Variants in DNAJC1 observed in about 807,000 individuals in gnomAD.
DNAJC1 encodes dnaJ homolog subfamily C member 1.
Under a neutral mutation model 76.6 loss-of-function variants are expected in DNAJC1, and 58 were observed. That is an observed-to-expected ratio of 0.76 (90% CI 0.61 to 0.94). The LOEUF is 0.94. Among genes scored for constraint, DNAJC1 ranks in the 40% least tolerant of loss-of-function variants. DNAJC1 has a pLI of 0.00. For missense variants in DNAJC1, 689 were observed against 677.3 expected (o/e 1.02, Z -0.19); for synonymous variants, 258 against 267.9 (o/e 0.96, Z 0.36).
intron 8 of DNAJC1, among the ~76,000 whole-genome samples, chr10:21,859,750 C>G (rs1835893121): frequency 6.6e-6 from 1 of 151,982 alleles, no homozygotes; most frequent in African/African-American, 2.4e-5. Flanking sequence ...AAAAACTAGT[C>G]AGGGAAACTA....
At chr10:21,803,221 G>A (rs991082003) in intron 9 of DNAJC1, among the ~76,000 whole-genome samples, 2 of 152,062 alleles carry the variant, frequency 1.3e-5, no homozygotes, top group African/African-American at 4.8e-5. Flanking sequence ...AAGGTCAATT[G>A]TTTCTTGAAG....
At chr10:21,878,701 T>C (rs1836224772) in intron 8 of DNAJC1, among the ~76,000 whole-genome samples, 1 of 152,184 alleles carries the variant, frequency 6.6e-6, no homozygotes, top group South Asian at 2.1e-4. Context: ...AAATATTTTT[T>C]GGAAAAAATC....
At chr10:21,807,812 G>A (rs1284146277) in intron 8 of DNAJC1, among the ~76,000 whole-genome samples, 1 of 152,090 alleles carries the variant, frequency 6.6e-6, no homozygotes, top group African/African-American at 2.4e-5. Context: ...GAATTTCTTT[G>A]ATATTTAATG....
rs1836296770 is a variant in DNAJC1, at chr10:21,882,354, T to A, written c.906A>T (p.Gly302=). The change falls in exon 8 of 12, where the codon GGA becomes GGT. Residue 302 remains glycine, a synonymous_variant. Transcript: ENST00000376980. The part of the protein sequence containing the change: ...ETTYIQSYDH[G]TSIEEIEEQM... ...GTTCCTCAATTTCTTCTATGGAAGTTCCATGATCATAAGACTGAATATATG... is the reference window on the plus strand; with the variant it reads ...GTTCCTCAATTTCTTCTATGGAAGTACCATGATCATAAGACTGAATATATG... The A allele has an allele frequency of 6.2e-7, 1 of 1,602,280 alleles. No individual in the cohort carries two copies. The highest frequency in any genetic ancestry group is 1.4e-5 in the African/African-American group (1 of 74,068).
At position 21,979,030 on chromosome 10, in the gene DNAJC1, G is replaced by A. The variant is rs182875510; in HGVS notation, c.222+24183C>T. On this transcript the variant is annotated intron_variant, in intron 1 of 11. Transcript: ENST00000376980. ...AACAGCGGAATGATATTCTTATAAT[G>A]CAGAGTTAGGTATGTAAGTTCGACT... Among the ~76,000 whole-genome samples, 33 of 151,544 alleles carry A rather than the reference G, an allele frequency of 2.2e-4. No homozygotes were observed. The East Asian group carries it at 6.2e-3, about 28-fold the overall frequency.
chr10:21,957,671 G>A (rs890899103), intron 1 of DNAJC1, among the ~76,000 whole-genome samples: 10 of 151,914 alleles, frequency 6.6e-5, no homozygotes, highest in African/African-American at 2.4e-4. Flanking sequence ...TTCCTTTTCA[G>A]TTATTTAGTC....
chr10:21,830,460 T>C (rs1835337826), intron 8 of DNAJC1, among the ~76,000 whole-genome samples: 1 of 152,196 alleles, frequency 6.6e-6, no homozygotes, highest in Non-Finnish European at 1.5e-5. Context: ...GAGAAGGTAA[T>C]TGGTAGTATA....
intron 8 of DNAJC1, among the ~76,000 whole-genome samples, chr10:21,810,294 T>A (rs1222564828): frequency 1.3e-5 from 2 of 152,316 alleles, no homozygotes; most frequent in Admixed American, 1.3e-4. Context: ...TGACACTGGC[T>A]CTGAATTAAC....
intron 9 of DNAJC1, among the ~76,000 whole-genome samples, chr10:21,772,271 C>CTT (rs398045895): frequency 0.06 from 5,610 of 92,896 alleles, 423 homozygotes; most frequent in African/African-American, 0.17. Context: ...CACCCCTCTT[C>CTT]TTTTTTTTTT....
At chr10:21,969,819 T>G (rs1837951482) in intron 1 of DNAJC1, among the ~76,000 whole-genome samples, 1 of 152,176 alleles carries the variant, frequency 6.6e-6, no homozygotes, top group Non-Finnish European at 1.5e-5. Flanking sequence ...ATAACATCAA[T>G]GAAATCATAT....
At chr10:21,944,722 C>A (rs1399705953) in intron 1 of DNAJC1, among the ~76,000 whole-genome samples, 1 of 152,152 alleles carries the variant, frequency 6.6e-6, no homozygotes, top group Non-Finnish European at 1.5e-5. Context: ...TCATGTTGTA[C>A]ACCTTAATAT....
chr10:21,835,774 T>C (rs1022437403), intron 8 of DNAJC1, among the ~76,000 whole-genome samples: 3 of 151,826 alleles, frequency 2.0e-5, no homozygotes, highest in South Asian at 4.2e-4. Flanking sequence ...GAAGTTTACA[T>C]AAAAAAGAAT....
chr10:21,854,198 T>C lies in DNAJC1; in HGVS notation c.978+28084A>G, dbSNP rs944369056. Among the ~76,000 whole-genome samples, 8 of 152,208 alleles carry C rather than the reference T, an allele frequency of 5.3e-5. 1 individual carries two copies. The highest frequency in any genetic ancestry group is 4.6e-4 in the Admixed American group (7 of 15,290). ...CCAGGTAATTATAATATAAGAATTA[T>C]ATCTCAATTCTTCCTAAAAGGTAGT... On this transcript the variant is annotated intron_variant, in intron 8 of 11. Transcript: ENST00000376980.
At chr10:21,946,260 T>A (rs1837504104) in intron 1 of DNAJC1, among the ~76,000 whole-genome samples, 1 of 151,870 alleles carries the variant, frequency 6.6e-6, no homozygotes, top group Non-Finnish European at 1.5e-5. Context: ...CAGGATGGTC[T>A]CAATCTCCTG....
intron 8 of DNAJC1, among the ~76,000 whole-genome samples, chr10:21,842,096 G>A (rs1281382917): frequency 8.7e-6 from 1 of 115,462 alleles, no homozygotes; most frequent in African/African-American, 3.3e-5. Flanking sequence ...TGGGACTGTT[G>A]TGGGGTGGGG....
intron 9 of DNAJC1, among the ~76,000 whole-genome samples, chr10:21,796,487 T>A (rs935139375): frequency 6.6e-6 from 1 of 152,212 alleles, no homozygotes; most frequent in African/African-American, 2.4e-5. Flanking sequence ...CTAGGTCATA[T>A]AATTCTATTT....
chr10:21,892,216 G>C (rs1243638556), intron 7 of DNAJC1, among the ~76,000 whole-genome samples: 2 of 151,814 alleles, frequency 1.3e-5, no homozygotes, highest in South Asian at 4.2e-4. Context: ...TTGAGCCACA[G>C]GGAGGCAGAA....
chr10:21,872,349 C>A (rs756070029), intron 8 of DNAJC1, among the ~76,000 whole-genome samples: 2 of 152,078 alleles, frequency 1.3e-5, no homozygotes, highest in Non-Finnish European at 2.9e-5. Context: ...TGATTACAGG[C>A]GTGAGCCACC....
chr10:21,778,722 T>TC (rs1201083576), intron 9 of DNAJC1, among the ~76,000 whole-genome samples: 1 of 152,170 alleles, frequency 6.6e-6, no homozygotes, highest in Non-Finnish European at 1.5e-5. Context: ...CAGGTTCATC[T>TC]CACTGGGGCT....
Sources: gnomAD v4.1 joint callset for allele counts (sites outside exome capture counted in the v4.1 genomes callset) on GRCh38, gnomAD v4.1.1 for gene constraint, MANE v1.5 for transcripts, NCBI Gene and HGNC (gene_info 2026-07-23, HGNC 2026-07-21) for gene names.